The following GFRA2 variants were observed in gnomAD, a reference collection of about 807,000 sequenced individuals.
The protein encoded by GFRA2 is GDNF family receptor alpha 2.
Under a neutral mutation model 48.3 loss-of-function variants are expected in GFRA2, and 17 were observed. That is an observed-to-expected ratio of 0.35 (90% CI 0.24 to 0.53). The LOEUF (loss-of-function observed/expected upper bound fraction) is 0.53, where lower values mean the gene tolerates loss of function less well. GFRA2 is among the 20% of genes least tolerant of loss of function. The pLI is 0.93. For synonymous variants in GFRA2, 305 were observed against 257.2 expected, an observed-to-expected ratio of 1.19 and a Z score of -1.78; for missense variants, 660 against 637.3, an observed-to-expected ratio of 1.04 and a Z score of -0.38.
chr8:21,698,485 C>A (rs912357629), intron 7 of GFRA2, among the ~76,000 whole-genome samples: 4 of 152,150 alleles, frequency 2.6e-5, no homozygotes, highest in African/African-American at 9.7e-5. Flanking sequence ...ATTCCCAGAG[C>A]CTCGCTGGTC....
chr8:21,694,453 C>T lies in GFRA2; in HGVS notation c.1272+11G>A, dbSNP rs1423733435. ...CCTTCTGCACCCATCCCCACTCTGCCCCCAACTCACCTCTGTGAAGCACAT... is the reference window on the plus strand; with the variant it reads ...CCTTCTGCACCCATCCCCACTCTGCTCCCAACTCACCTCTGTGAAGCACAT... On this transcript the variant is annotated intron_variant, in intron 8 of 8. Coordinates refer to ENST00000524240, the MANE Select transcript of GFRA2 (RefSeq NM_001495.5). The T allele has an allele frequency of 7.4e-6, 12 of 1,610,984 alleles. No homozygotes were observed. The highest frequency in any genetic ancestry group is 1.0e-5 in the Non-Finnish European group (12 of 1,179,220).
intron 4 of GFRA2, among the ~76,000 whole-genome samples, chr8:21,713,723 C>T (rs1803188313): frequency 6.6e-6 from 1 of 152,140 alleles, no homozygotes; most frequent in African/African-American, 2.4e-5. Flanking sequence ...TATCTCCCTG[C>T]CTGGTTCCGG....
intron 3 of GFRA2, among the ~76,000 whole-genome samples, chr8:21,772,070 T>A (rs1806462509): frequency 6.6e-6 from 1 of 152,152 alleles, no homozygotes; most frequent in Admixed American, 6.5e-5. Flanking sequence ...TAAGCTGGTC[T>A]GCTCACCCTG....
chr8:21,751,928 A>G (rs925994149), intron 3 of GFRA2, among the ~76,000 whole-genome samples: 6 of 152,200 alleles, frequency 3.9e-5, no homozygotes, highest in African/African-American at 1.2e-4. Flanking sequence ...AGAACAGCAC[A>G]ATAGCCAAGA....
upstream of GFRA2, among the ~76,000 whole-genome samples, chr8:21,793,008 G>A (rs896771412): frequency 8.5e-5 from 13 of 152,120 alleles, no homozygotes; most frequent in East Asian, 3.9e-4. Flanking sequence ...GAGAGGTTGC[G>A]GTGAGTCGAG....
At chr8:21,707,122 T>C (rs187652568) in intron 4 of GFRA2, among the ~76,000 whole-genome samples, 1 of 152,348 alleles carries the variant, frequency 6.6e-6, no homozygotes, top group African/African-American at 2.4e-5. Context: ...TTCACGGGCC[T>C]TTCCCAATGA....
At chr8:21,702,125 C>T (rs900807822) in intron 7 of GFRA2, among the ~76,000 whole-genome samples, 7 of 152,206 alleles carry the variant, frequency 4.6e-5, no homozygotes, top group Non-Finnish European at 1.0e-4. Flanking sequence ...CCCCAAGCCC[C>T]CTGCTTGCAG....
chr8:21,729,235 T>G (rs1804054885), intron 4 of GFRA2, among the ~76,000 whole-genome samples: 1 of 152,036 alleles, frequency 6.6e-6, no homozygotes, highest in Non-Finnish European at 1.5e-5. Flanking sequence ...GAGGCTGAGG[T>G]GGGAGGATCA....
At chr8:21,782,954 C>A in intron 1 of GFRA2, 55 bp from the exon 2 acceptor site, 3 of 1,482,322 alleles carry the variant, frequency 2.0e-6, no homozygotes, top group Non-Finnish European at 1.8e-6. Context: ...AATCTCCCAC[C>A]CAAGATGCAG....
At chr8:21,734,412 G>C (rs181842581) in intron 4 of GFRA2, among the ~76,000 whole-genome samples, 409 of 152,340 alleles carry the variant, frequency 2.7e-3, no homozygotes, top group African/African-American at 6.7e-3. Context: ...AAGCAGACCA[G>C]GTCTGCAGGC....
chr8:21,740,232 C>T (rs1013310602), intron 4 of GFRA2, among the ~76,000 whole-genome samples: 2 of 152,196 alleles, frequency 1.3e-5, no homozygotes, highest in African/African-American at 4.8e-5. Flanking sequence ...CAAAGCCAAA[C>T]CACTGTTGAG....
rs983249124 is a variant in GFRA2 at position 21,693,486 on chromosome 8, C to A, written c.1273-86G>T. On this transcript the variant is annotated intron_variant, in intron 8 of 8. Coordinates refer to ENST00000524240, the MANE Select transcript of GFRA2 (RefSeq NM_001495.5). The stretch of plus-strand genomic sequence containing the variant: ...GGAGGCCTGGGACCCGGCAGAGAAA[C>A]GGACTCAGGAACTGGACACCTCAAG... 5.3e-6 allele frequency: 7 copies of A among 1,311,790 alleles called. No individual in the cohort carries two copies. In the South Asian group the frequency reaches 5.8e-5, roughly 11 times the overall value. The allele number at this position is 1,311,790 out of a possible 1,614,324, so 81.3% of individuals were successfully genotyped here.
chr8:21,733,784 G>A (rs562114915), intron 4 of GFRA2, among the ~76,000 whole-genome samples: 42 of 152,172 alleles, frequency 2.8e-4, no homozygotes, highest in Non-Finnish European at 2.1e-4. Flanking sequence ...TTTAATAGCC[G>A]ACCCCGCGCA....
At chr8:21,704,272 C>T (rs1377015928) in intron 6 of GFRA2, among the ~76,000 whole-genome samples, 1 of 152,230 alleles carries the variant, frequency 6.6e-6, no homozygotes, top group African/African-American at 2.4e-5. Context: ...CCTCCCTCTT[C>T]CTGGCTGACT....
chr8:21,773,157 G>GCTT lies in GFRA2; in HGVS notation c.439+1814_439+1815insAAG, dbSNP rs1477964517. 4.0e-4 allele frequency among the ~76,000 whole-genome samples: 61 copies of GCTT among 152,344 alleles called. 1 individual carries two copies. The highest frequency in any genetic ancestry group is 1.7e-3 in the Admixed American group (26 of 15,310). On this transcript the variant is annotated intron_variant, in intron 3 of 8. Coordinates refer to ENST00000524240, the MANE Select transcript of GFRA2 (RefSeq NM_001495.5). Reference sequence around the variant, plus strand: ...GAAATGTGAGAATCAGAATGCCTGTGCGGGAAGGACTCTCAGCCCCATCCA... The same window carrying GCTT: ...GAAATGTGAGAATCAGAATGCCTGTGCTTCGGGAAGGACTCTCAGCCCCATCCA...
At chr8:21,799,839 G>A (rs899463465) in intron 2 of GFRA2, among the ~76,000 whole-genome samples, 1 of 152,210 alleles carries the variant, frequency 6.6e-6, no homozygotes, top group African/African-American at 2.4e-5. Context: ...CAAGAAGCCT[G>A]TGTCCTCTGC....
intron 4 of GFRA2, among the ~76,000 whole-genome samples, chr8:21,715,887 G>C (rs1339818876): frequency 6.6e-6 from 1 of 152,230 alleles, no homozygotes; most frequent in Non-Finnish European, 1.5e-5. Flanking sequence ...AAGGGAGAGA[G>C]AGAGAACGAG....
chr8:21,793,320 G>A (rs1306048195), upstream of GFRA2, among the ~76,000 whole-genome samples: 2 of 152,140 alleles, frequency 1.3e-5, no homozygotes, highest in Non-Finnish European at 2.9e-5. Context: ...CCAATTAGGA[G>A]GTGATTGTAA....
chr8:21,750,838 T>G lies in GFRA2; in HGVS notation c.544A>C (p.Ile182Leu). ...GAGATCTCGCGGTTGCAGATGGAGATGTAGGAGGAGCGCAGCTTCTTGCAG... is the reference window on the plus strand; with the variant it reads ...GAGATCTCGCGGTTGCAGATGGAGAGGTAGGAGGAGCGCAGCTTCTTGCAG... ...DNCKKLRSSYISICNREISPT... is the reference protein window; with the variant it reads ...DNCKKLRSSYLSICNREISPT... Residue 182 changes from isoleucine to leucine, a missense_variant, in exon 4 of 9, where the codon ATC (isoleucine) becomes CTC (leucine). Transcript: ENST00000524240. The surrounding 1 kb of genome is among the most constrained non-coding windows in gnomAD (Gnocchi z 5.7). 6.2e-7 allele frequency: 1 copy of G among 1,613,736 alleles called. No homozygotes were observed. Among genetic ancestry groups the G allele is most frequent in the Non-Finnish European group, 8.5e-7 (1 of 1,179,792 alleles).
Sources: gnomAD v4.1 joint callset for allele counts (sites outside exome capture counted in the v4.1 genomes callset) on GRCh38, gnomAD v4.1.1 for gene constraint, Gnocchi (gnomAD v3.1) non-coding constraint, MANE v1.5 for transcripts, NCBI Gene and HGNC (gene_info 2026-07-23, HGNC 2026-07-21) for gene names.